RAPGEF4: variants seen among roughly 807,000 people sequenced by gnomAD.
The protein encoded by RAPGEF4 is RAP guanine-nucleotide-exchange factor (GEF) 4.
RAPGEF4 carries 66 observed loss-of-function variants against 147.9 expected under a neutral mutation model. That is an observed-to-expected ratio of 0.45 (90% CI 0.37 to 0.55). The LOEUF (loss-of-function observed/expected upper bound fraction) is 0.55. RAPGEF4 is among the 20% of genes least tolerant of loss of function. The pLI, the probability that RAPGEF4 is intolerant of heterozygous loss-of-function variation, is 0.00. For missense variants in RAPGEF4, 1,071 were observed against 1,257.3 expected (o/e 0.85, Z 2.24); for synonymous variants, 419 against 442.7 (o/e 0.95, Z 0.67).
intron 17 of RAPGEF4, among the ~76,000 whole-genome samples, chr2:173,005,796 C>T (rs1694419959): frequency 6.6e-6 from 1 of 152,148 alleles, no homozygotes; most frequent in Non-Finnish European, 1.5e-5. Context: ...GCTGGGATTA[C>T]AGGCATGAGC....
intron 6 of RAPGEF4, among the ~76,000 whole-genome samples, chr2:172,929,237 T>G (rs1193655634): frequency 2.6e-5 from 4 of 152,252 alleles, no homozygotes; most frequent in Non-Finnish European, 5.9e-5. Context: ...TAAACTAATC[T>G]AGTGTTGACA....
chr2:172,916,255 C>A (rs1213467359), intron 4 of RAPGEF4, among the ~76,000 whole-genome samples: 2 of 152,172 alleles, frequency 1.3e-5, no homozygotes, highest in Non-Finnish European at 2.9e-5. Flanking sequence ...GAACACCCGT[C>A]ACATCCAAGA....
intron 29 of RAPGEF4, among the ~76,000 whole-genome samples, chr2:173,038,369 A>G (rs953396056): frequency 2.6e-5 from 4 of 152,246 alleles, no homozygotes; most frequent in African/African-American, 9.6e-5. Flanking sequence ...AGGATTGGCT[A>G]AGCCACCCAT....
intron 1 of RAPGEF4, among the ~76,000 whole-genome samples, chr2:172,791,763 T>A (rs905445838): frequency 8.5e-5 from 13 of 152,222 alleles, no homozygotes; most frequent in African/African-American, 3.1e-4. Flanking sequence ...ACAATCTGGT[T>A]CTGAAGCTTG....
intron 4 of RAPGEF4, among the ~76,000 whole-genome samples, chr2:172,898,245 A>C (rs1013012474): frequency 6.6e-6 from 1 of 152,156 alleles, no homozygotes; most frequent in Non-Finnish European, 1.5e-5. Flanking sequence ...TCCACATGAT[A>C]TGATGTGCAG....
Position 172,990,186 on chromosome 2 carries a change from A to T in RAPGEF4, c.1375-624A>T, listed in dbSNP as rs570091620. Among the ~76,000 whole-genome samples, 21 of 152,342 alleles carry T rather than the reference A, an allele frequency of 1.4e-4. No individual in the cohort carries two copies. The East Asian group carries it at 3.9e-3, about 28-fold the overall frequency. ...ATTTTTAAACTAACTATTTACAATG[A>T]TATTGAAATTTAAAGGTAAACTGTA... On this transcript the variant is annotated intron_variant, in intron 14 of 30. Transcript: ENST00000397081.
chr2:172,809,125 AG>A (rs1425245481), intron 3 of RAPGEF4, among the ~76,000 whole-genome samples: 7 of 152,136 alleles, frequency 4.6e-5, no homozygotes, highest in African/African-American at 1.7e-4. Flanking sequence ...AAATATCTCG[AG>A]GGCATGTTCA....
At chr2:172,796,485 T>C (rs971954290) in intron 2 of RAPGEF4, among the ~76,000 whole-genome samples, 12 of 152,064 alleles carry the variant, frequency 7.9e-5, no homozygotes, top group African/African-American at 2.7e-4. Flanking sequence ...CTCAGGAGGC[T>C]GAGGCAGGAG....
At chr2:172,864,530 C>G (rs1694409909) in intron 4 of RAPGEF4, among the ~76,000 whole-genome samples, 1 of 152,182 alleles carries the variant, frequency 6.6e-6, no homozygotes, top group Non-Finnish European at 1.5e-5. Flanking sequence ...ACTTCCTTCC[C>G]TGTTCAGTTT....
At chr2:172,964,143 A>C (rs1202526513) in intron 8 of RAPGEF4, among the ~76,000 whole-genome samples, 1 of 152,172 alleles carries the variant, frequency 6.6e-6, no homozygotes, top group African/African-American at 2.4e-5. Flanking sequence ...ATATAATGGA[A>C]GGTCTTATGT....
At chr2:172,978,287 T>C (rs2105613797) in intron 10 of RAPGEF4, among the ~76,000 whole-genome samples, 1 of 152,304 alleles carries the variant, frequency 6.6e-6, no homozygotes, top group Admixed American at 6.5e-5. Flanking sequence ...TAGAGGTACC[T>C]GGGGAGCAGG....
intron 1 of RAPGEF4, among the ~76,000 whole-genome samples, chr2:172,764,381 C>T (rs1339584183): frequency 6.6e-6 from 1 of 152,168 alleles, no homozygotes; most frequent in Non-Finnish European, 1.5e-5. Context: ...ATTTTATTTG[C>T]TGTTTGAATT....
chr2:172,941,792 C>T (rs1378565142), intron 6 of RAPGEF4, among the ~76,000 whole-genome samples: 3 of 152,132 alleles, frequency 2.0e-5, no homozygotes, highest in African/African-American at 4.8e-5. Context: ...TAAACTAAGA[C>T]TCAGATTCAT....
chr2:172,895,724 A>G (rs1698403902), intron 4 of RAPGEF4, among the ~76,000 whole-genome samples: 1 of 152,190 alleles, frequency 6.6e-6, no homozygotes, highest in South Asian at 2.1e-4. Flanking sequence ...TGAGTATCTT[A>G]TTTTTGTATA....
chr2:172,923,721 G>T (rs546561681), intron 6 of RAPGEF4, among the ~76,000 whole-genome samples: 3 of 152,166 alleles, frequency 2.0e-5, no homozygotes, highest in Non-Finnish European at 2.9e-5. Context: ...AAATGTGGAT[G>T]TTACCTTAAA....
intron 23 of RAPGEF4, among the ~76,000 whole-genome samples, chr2:173,025,689 C>T (rs1249170259): frequency 1.3e-5 from 2 of 152,234 alleles, no homozygotes; most frequent in African/African-American, 2.4e-5. Flanking sequence ...GTGATCCACC[C>T]GCCTTGGCCT....
intron 3 of RAPGEF4, among the ~76,000 whole-genome samples, chr2:172,809,886 C>T (rs753590667): frequency 1.3e-5 from 2 of 152,002 alleles, no homozygotes; most frequent in Non-Finnish European, 2.9e-5. Flanking sequence ...AAGAGGATTG[C>T]CTGGGATGGA....
At chr2:172,813,094 C>A (rs1220863812) in intron 3 of RAPGEF4, among the ~76,000 whole-genome samples, 1 of 152,110 alleles carries the variant, frequency 6.6e-6, no homozygotes, top group East Asian at 1.9e-4. Flanking sequence ...AATATCTGTG[C>A]AGAAGCAATT....
intron 4 of RAPGEF4, among the ~76,000 whole-genome samples, chr2:172,819,461 C>CTTTTTTTTTTTTTT (rs1242605865): frequency 1.4e-4 from 12 of 87,014 alleles, no homozygotes; most frequent in Non-Finnish European, 1.9e-4. Flanking sequence ...ATTTTTAGTT[C>CTTTTTTTTTTTTTT]TTTTTTTTTT....
Sources: allele counts gnomAD v4.1 joint callset (sites outside exome capture counted in the v4.1 genomes callset), GRCh38; gene constraint gnomAD v4.1.1; transcripts MANE v1.5; gene names NCBI Gene and HGNC (gene_info 2026-07-23, HGNC 2026-07-21).